Variants in TTC39C observed in about 807,000 individuals in gnomAD.
TTC39C encodes the protein tetratricopeptide repeat domain 39C.
Under a neutral mutation model 76.3 loss-of-function variants are expected in TTC39C, and 33 were observed. The observed-to-expected ratio is 0.43, with a 90% CI of 0.33 to 0.58. The LOEUF is 0.58. Ranked by LOEUF, TTC39C falls within the 20% of genes least tolerant of loss-of-function variation. The pLI is 0.04. For synonymous variants in TTC39C, 254 were observed against 260.6 expected (o/e 0.97, Z 0.24); for missense variants, 595 against 701.4 (o/e 0.85, Z 1.71).
At position 24,125,517 on chromosome 18, in the gene TTC39C, T is replaced by C; in HGVS notation, c.1387T>C (p.Cys463Arg). The C allele has an allele frequency of 1.9e-6, 3 of 1,614,204 alleles. No homozygotes were observed. Among genetic ancestry groups the C allele is most frequent in the Non-Finnish European group, 2.5e-6 (3 of 1,180,038 alleles). Residue 463 changes from cysteine to arginine, a missense_variant, in exon 10 of 14, where the codon TGT becomes CGT. Transcript: ENST00000317571. ...VLYLWKALPNCSFPNLQRMSQ... is the reference protein window; with the variant it reads ...VLYLWKALPNRSFPNLQRMSQ... ...GTACTTGTGGAAAGCTCTTCCAAACTGTTCCTTCCCCAACCTGCAGAGGAT... is the reference window on the plus strand; with the variant it reads ...GTACTTGTGGAAAGCTCTTCCAAACCGTTCCTTCCCCAACCTGCAGAGGAT...
chr18:24,047,283 G>A (rs1309234783), intron 1 of TTC39C, among the ~76,000 whole-genome samples: 1 of 151,192 alleles, frequency 6.6e-6, no homozygotes, highest in Non-Finnish European at 1.5e-5. Context: ...TGGTAGAAAC[G>A]GGTTTCACCA....
chr18:24,077,223 G>A (rs2084318671), intron 4 of TTC39C: 1 of 152,134 alleles, frequency 6.6e-6, no homozygotes, highest in Admixed American at 6.5e-5. Flanking sequence ...CTTTCCCTTA[G>A]TGCAAGCTTC....
rs545978388 is a variant in TTC39C at position 24,027,694 on chromosome 18, G to A, written c.167+12656G>A. 4.9e-4 allele frequency among the ~76,000 whole-genome samples: 74 copies of A among 151,918 alleles called. No individual in the cohort carries two copies. In the South Asian group the frequency reaches 6.3e-3, roughly 13 times the overall value. On this transcript the variant is annotated intron_variant, in intron 1 of 13. Transcript: ENST00000317571. Reference sequence around the variant, plus strand: ...CCCGCCTTAGCCTCCTGAGTAGCTGGGATTACGGGCCTGTGCCACCACACC... The same window carrying A: ...CCCGCCTTAGCCTCCTGAGTAGCTGAGATTACGGGCCTGTGCCACCACACC...
At chr18:24,065,232 A>G (rs2084151805) in intron 2 of TTC39C, among the ~76,000 whole-genome samples, 1 of 152,234 alleles carries the variant, frequency 6.6e-6, no homozygotes, top group Admixed American at 6.5e-5. Context: ...ATACTGAGGA[A>G]GCCTGAAAGG....
chr18:24,013,278 A>G (rs1338567857), upstream of TTC39C, among the ~76,000 whole-genome samples: 1 of 152,230 alleles, frequency 6.6e-6, no homozygotes, highest in Non-Finnish European at 1.5e-5. Flanking sequence ...TTGTGGTTCC[A>G]GATGTACTCA....
At chr18:23,993,514 C>T (rs1180571363) in intron 1 of TTC39C, among the ~76,000 whole-genome samples, 1 of 152,162 alleles carries the variant, frequency 6.6e-6, no homozygotes, top group Non-Finnish European at 1.5e-5. Context: ...ACTTATAGAT[C>T]TTGTACTCCT....
intron 6 of TTC39C, among the ~76,000 whole-genome samples, chr18:24,100,386 G>A (rs1466757243): frequency 3.9e-5 from 6 of 152,212 alleles, no homozygotes; most frequent in African/African-American, 1.4e-4. Flanking sequence ...CACTCTGGCC[G>A]AGTGACCTTG....
chr18:24,030,647 C>G (rs1353483298), intron 1 of TTC39C, among the ~76,000 whole-genome samples: 1 of 37,338 alleles, frequency 2.7e-5, no homozygotes, highest in African/African-American at 5.2e-5. Context: ...CAAAGATAGG[C>G]CTTTTTTTTT....
At chr18:24,132,349 C>G in intron 13 of TTC39C, 136 bp from the exon 14 acceptor site, 1 of 629,618 alleles carries the variant, frequency 1.6e-6, no homozygotes, top group Non-Finnish European at 2.6e-6. Flanking sequence ...ATATGAAAAT[C>G]AAGTGGATGG....
At chr18:24,067,630 G>A (rs1423190346) in intron 3 of TTC39C, among the ~76,000 whole-genome samples, 3 of 152,102 alleles carry the variant, frequency 2.0e-5, no homozygotes, top group Non-Finnish European at 4.4e-5. Context: ...ACGTGAGGTG[G>A]AACAGTTTCA....
chr18:24,080,877 A>T lies in TTC39C; in HGVS notation c.753A>T (p.Leu251=). The change falls in exon 5 of 14, where the codon CTA becomes CTT. Residue 251 remains leucine (L), a synonymous_variant. Coordinates refer to ENST00000317571, the MANE Select transcript of TTC39C (RefSeq NM_001135993.2). ...INLLGFPGDR[L]QGLSSLMYAS... ...TGCTGGGTTTTCCTGGAGACCGCCTACAGGGGCTTTCTTCACTGATGTATG... is the reference window on the plus strand; with the variant it reads ...TGCTGGGTTTTCCTGGAGACCGCCTTCAGGGGCTTTCTTCACTGATGTATG... The T allele has an allele frequency of 1.9e-6, 3 of 1,614,184 alleles. No individual in the cohort carries two copies. The highest frequency in any genetic ancestry group is 2.5e-6 in the Non-Finnish European group (3 of 1,180,012).
rs1373370079 is a variant in TTC39C at position 24,014,976 on chromosome 18, C to T, written c.105C>T (p.Ala35=). 1.4e-5 allele frequency: 22 copies of T among 1,530,084 alleles called. 1 individual carries two copies. Among genetic ancestry groups the T allele is most frequent in the East Asian group, 7.8e-5 (3 of 38,428 alleles). 94.8% of individuals were successfully genotyped at this position (1,530,084 alleles called of 1,614,324 possible). A position where few individuals can be genotyped will look rare whatever the true frequency, so the allele number is the denominator to read the frequency against. The change falls in exon 1 of 14, where the codon GCC becomes GCT. Residue 35 remains alanine, a synonymous_variant. Coordinates refer to ENST00000317571, the MANE Select transcript of TTC39C (RefSeq NM_001135993.2). ...APLQDAELAL[A]GINMLLNNGF... is the part of the protein sequence containing the mutation. The stretch of plus-strand genomic sequence containing the variant: ...TGCAGGACGCGGAGCTGGCCCTGGC[C>T]GGCATCAACATGCTGCTCAACAACG...
rs2083583246 is a variant in TTC39C, at chr18:24,025,100, C to T, written c.167+10062C>T. On this transcript the variant is annotated intron_variant, in intron 1 of 13. Transcript: ENST00000317571. ...GCTAGGCTGGTCTTGAACTCCTGGC[C>T]TCAACTGATCTGACCGTCTCGGCCT... 3.3e-5 allele frequency among the ~76,000 whole-genome samples: 5 copies of T among 152,132 alleles called. No individual in the cohort carries two copies. The South Asian group carries it at 1.0e-3, about 31-fold the overall frequency.
intron 7 of TTC39C, among the ~76,000 whole-genome samples, chr18:24,115,471 G>A (rs1009207950): frequency 8.2e-4 from 125 of 152,326 alleles, no homozygotes; most frequent in East Asian, 3.1e-3. Context: ...ATGCTACAAG[G>A]TCACACCATG....
At position 24,091,140 on chromosome 18, in the gene TTC39C, A is replaced by G. The variant is rs182452796; in HGVS notation, c.984+8059A>G. The stretch of plus-strand genomic sequence containing the variant: ...AATTTGCTTTGACATGGACATCAAG[A>G]CACGTCAGTGGGCAAAGAATAGTCT... On this transcript the variant is annotated intron_variant, in intron 6 of 13. Transcript: ENST00000317571. 2.8e-4 allele frequency among the ~76,000 whole-genome samples: 43 copies of G among 152,282 alleles called. No homozygotes were observed. In the East Asian group the frequency reaches 8.1e-3, roughly 29 times the overall value.
At chr18:24,023,961 T>C (rs1321048313) in intron 1 of TTC39C, among the ~76,000 whole-genome samples, 1 of 11,832 alleles carries the variant, frequency 8.5e-5, no homozygotes, top group African/African-American at 1.7e-4. Context: ...TATATATATA[T>C]ATATATATAT....
chr18:24,068,370 A>G (rs2084194075), intron 3 of TTC39C, among the ~76,000 whole-genome samples: 1 of 152,194 alleles, frequency 6.6e-6, no homozygotes, highest in African/African-American at 2.4e-5. Flanking sequence ...AAAGGGAAAC[A>G]CATCATTCTG....
intron 1 of TTC39C, among the ~76,000 whole-genome samples, chr18:24,060,823 T>G (rs2084089850): frequency 6.6e-6 from 1 of 152,202 alleles, no homozygotes; most frequent in African/African-American, 2.4e-5. Flanking sequence ...AGAATATGAT[T>G]ACGAAAATAG....
intron 3 of TTC39C, 21 bp from the exon 4 acceptor site, chr18:24,069,136 G>A (rs1463560733): frequency 1.3e-6 from 2 of 1,576,442 alleles, no homozygotes; most frequent in African/African-American, 2.7e-5. Flanking sequence ...TATCAGTGTG[G>A]ACATTCTTTC....
Sources: allele counts gnomAD v4.1 joint callset (sites outside exome capture counted in the v4.1 genomes callset), GRCh38; gene constraint gnomAD v4.1.1; transcripts MANE v1.5; gene names NCBI Gene and HGNC (gene_info 2026-07-23, HGNC 2026-07-21).